FAS: variants seen among roughly 807,000 people sequenced by gnomAD.
FAS encodes Fas cell surface death receptor.
Under a neutral mutation model 33.2 loss-of-function variants are expected in FAS, and 5 were observed. The ratio of observed to expected loss-of-function variants is 0.15; its 90% confidence interval spans 0.08 to 0.32. The LOEUF is 0.32. Ranked by LOEUF, FAS falls within the 10% of genes least tolerant of loss-of-function variation. The probability of loss-of-function intolerance (pLI) is 1.00; values close to 1 mark genes in which losing one functional copy is unlikely to be tolerated. For missense variants in FAS, 339 were observed against 386.0 expected, an observed-to-expected ratio of 0.88 and a Z score of 1.02; for synonymous variants, 131 against 130.7, an observed-to-expected ratio of 1.00 and a Z score of -0.01.
chr10:88,986,697 A>C (rs1327110373), upstream of FAS, among the ~76,000 whole-genome samples: 1 of 151,848 alleles, frequency 6.6e-6, no homozygotes, highest in Non-Finnish European at 1.5e-5. Context: ...GAAGTAGTGC[A>C]GGAAGGAAGT....
chr10:88,978,402 A>T (rs1380803116), intron 2 of FAS, among the ~76,000 whole-genome samples: 5 of 152,094 alleles, frequency 3.3e-5, no homozygotes, highest in Admixed American at 2.0e-4. Flanking sequence ...AGTATAATAA[A>T]AAATAAATAA....
Position 89,008,915 on chromosome 10 carries a change from C to T in FAS, c.361C>T (p.Arg121Trp), listed in dbSNP as rs121913078. The T allele has an allele frequency of 1.5e-5, 25 of 1,613,962 alleles. No homozygotes were observed. Among genetic ancestry groups the T allele is most frequent in the Non-Finnish European group, 2.0e-5 (24 of 1,179,864 alleles). ...HGLEVEINCT[R>W]TQNTKCRCKP... is the part of the protein sequence containing the mutation. ...CTTAGAAGTGGAAATAAACTGCACC[C>T]GGACCCAGAATACCAAGTGCAGATG... Residue 121 changes from arginine to tryptophan, a missense_variant, in exon 4 of 9, where the codon CGG becomes TGG. By Grantham distance (101) the Arg-to-Trp change is moderately radical. Transcript: ENST00000652046.
intron 6 of FAS, among the ~76,000 whole-genome samples, 196 bp from the exon 7 acceptor site, chr10:89,011,803 T>C (rs888873010): frequency 1.3e-5 from 2 of 152,236 alleles, no homozygotes. Flanking sequence ...AATTAAGATA[T>C]GTCCTTTCAC....
intron 1 of FAS, among the ~76,000 whole-genome samples, chr10:88,972,487 ATTTTT>A: frequency 6.6e-6 from 1 of 151,988 alleles, no homozygotes; most frequent in Admixed American, 6.6e-5. Context: ...TCTTTGATCT[ATTTTT>A]ATTTTTTGCC....
chr10:89,000,966 A>G (rs908224776), intron 1 of FAS, among the ~76,000 whole-genome samples: 2 of 152,250 alleles, frequency 1.3e-5, no homozygotes, highest in African/African-American at 2.4e-5. Flanking sequence ...GAATTGCTTG[A>G]ATGCCGGAGG....
intron 3 of FAS, among the ~76,000 whole-genome samples, chr10:89,008,178 A>C (rs921082563): frequency 1.3e-5 from 2 of 152,166 alleles, no homozygotes; most frequent in Non-Finnish European, 2.9e-5. Context: ...AAAAATTCAG[A>C]AGCCTGCAGA....
chr10:89,001,364 T>C (rs1307837545), intron 1 of FAS, among the ~76,000 whole-genome samples: 1 of 151,848 alleles, frequency 6.6e-6, no homozygotes, highest in Non-Finnish European at 1.5e-5. Flanking sequence ...TTATTTTGTC[T>C]GTGGGGTTTT....
rs1325607956 is a variant in FAS, at chr10:89,015,756, A to G, written c.*1306A>G. The G allele has an allele frequency of 6.1e-6, 3 of 493,386 alleles. No homozygotes were observed. The highest frequency in any genetic ancestry group is 5.5e-5 in the South Asian group (3 of 54,464). The allele number at this position is 493,386 out of a possible 1,614,324, so 30.6% of individuals were successfully genotyped here. ...TGTTTGGAATTATAAAATATAGGTA[A>G]AAGTACGTAATTAAATAATGTTTTT... On this transcript the variant is annotated 3_prime_UTR_variant, in exon 9 of 9. Coordinates refer to ENST00000652046, the MANE Select transcript of FAS (RefSeq NM_000043.6).
At chr10:88,971,530 T>G (rs1846447530) in intron 1 of FAS, among the ~76,000 whole-genome samples, 1 of 152,220 alleles carries the variant, frequency 6.6e-6, no homozygotes, top group African/African-American at 2.4e-5. Flanking sequence ...GATACAGGTT[T>G]AGATCCAGAT....
chr10:89,008,516 G>A lies in FAS; in HGVS notation c.335-373G>A, dbSNP rs188825576. ...CAATTACATCAGAGTCTCTGAGTGAGGACCTTGGTATTGGCCTGATGGAGT... is the reference window on the plus strand; with the variant it reads ...CAATTACATCAGAGTCTCTGAGTGAAGACCTTGGTATTGGCCTGATGGAGT... On this transcript the variant is annotated intron_variant, in intron 3 of 8. Transcript: ENST00000652046. Among the ~76,000 whole-genome samples, 5 of 152,270 alleles carry A rather than the reference G, an allele frequency of 3.3e-5. No individual in the cohort carries two copies. The East Asian group carries it at 9.7e-4, about 29-fold the overall frequency.
intron 3 of FAS, 140 bp from the exon 4 acceptor site, chr10:89,008,749 C>CT: frequency 1.2e-6 from 1 of 828,532 alleles, no homozygotes; most frequent in Non-Finnish European, 2.1e-6. Flanking sequence ...TGTTTAAACA[C>CT]TGACTGTATT....
chr10:88,990,986 G>T lies in FAS; in HGVS notation c.30+80G>T. 6.3e-7 allele frequency: 1 copy of T among 1,599,626 alleles called. No individual in the cohort carries two copies. The highest frequency in any genetic ancestry group is 1.3e-5 in the African/African-American group (1 of 74,740). ...GCAAAGTGGGGCGGGCGCGGGACGC[G>T]TGCGGGATTGCGGCGGCAGCGGCGC... On this transcript the variant is annotated intron_variant, in intron 1 of 8. Transcript: ENST00000652046. This position sits in a 1 kb window ranked among gnomAD's most constrained non-coding sequence, Gnocchi z 4.9.
intron 1 of FAS, among the ~76,000 whole-genome samples, chr10:88,968,903 T>C (rs1157086883): frequency 6.6e-6 from 1 of 152,156 alleles, no homozygotes; most frequent in Non-Finnish European, 1.5e-5. Flanking sequence ...ATTGGAAAAG[T>C]TTCTGTCTTT....
At chr10:88,969,558 T>C (rs1315385069) in intron 1 of FAS, among the ~76,000 whole-genome samples, 1 of 152,202 alleles carries the variant, frequency 6.6e-6, no homozygotes, top group Non-Finnish European at 1.5e-5. Flanking sequence ...CAGTTTTATG[T>C]TTGCAGCATC....
chr10:89,007,650 T>C (rs770534737), intron 2 of FAS, 50 bp from the exon 3 acceptor site: 6 of 1,602,566 alleles, frequency 3.7e-6, no homozygotes, highest in South Asian at 3.3e-5. Context: ...TCCCACCCTG[T>C]TACCTGCCCG....
At chr10:88,974,875 G>A (rs1042260230) in intron 2 of FAS, 8 of 152,104 alleles carry the variant, frequency 5.3e-5, no homozygotes, top group East Asian at 1.9e-4. Flanking sequence ...ACTATATAGC[G>A]CTCTAAATCC....
At chr10:89,009,923 T>C (rs1268644556) in intron 4 of FAS, among the ~76,000 whole-genome samples, 1 of 152,230 alleles carries the variant, frequency 6.6e-6, no homozygotes, top group East Asian at 1.9e-4. Flanking sequence ...ATTGATGAGA[T>C]AAAAGGCTCA....
At chr10:88,988,368 G>T (rs73368839), upstream of FAS, among the ~76,000 whole-genome samples, 1 of 150,224 alleles carries the variant, frequency 6.7e-6, no homozygotes, top group African/African-American at 2.4e-5. Flanking sequence ...TAAACATTAG[G>T]ACCAAAGGGG....
chr10:88,973,225 A>C, exon 2 of FAS: 3 of 1,612,488 alleles, frequency 1.9e-6, no homozygotes, highest in Non-Finnish European at 2.5e-6. Context: ...ACTGCTTTGG[A>C]GATGGAGCCC....
Sources: allele counts gnomAD v4.1 joint callset (sites outside exome capture counted in the v4.1 genomes callset), GRCh38; gene constraint gnomAD v4.1.1; non-coding constraint Gnocchi (gnomAD v3.1); transcripts MANE v1.5; gene names NCBI Gene and HGNC (gene_info 2026-07-23, HGNC 2026-07-21).